The following RALA variants were observed in gnomAD, a reference collection of about 807,000 sequenced individuals.
The protein encoded by RALA is ras-related protein Ral-A.
RALA carries 5 observed loss-of-function variants against 24.0 expected under a neutral mutation model. The observed-to-expected ratio is 0.21, with a 90% CI of 0.11 to 0.44. RALA has a LOEUF of 0.44. Among genes scored for constraint, RALA ranks in the 20% least tolerant of loss-of-function variants. RALA has a pLI of 0.99. For synonymous variants in RALA, 77 were observed against 83.8 expected (o/e 0.92, Z 0.44); for missense variants, 95 against 241.2 (o/e 0.39, Z 4.01).
chr7:39,677,206 C>G (rs1477928700), intron 1 of RALA, among the ~76,000 whole-genome samples: 1 of 152,212 alleles, frequency 6.6e-6, no homozygotes, highest in East Asian at 1.9e-4. Context: ...CCTGAAGCCC[C>G]CTCAAGGAAC....
At chr7:39,670,908 C>T (rs765337364) in intron 1 of RALA, among the ~76,000 whole-genome samples, 2 of 152,086 alleles carry the variant, frequency 1.3e-5, no homozygotes, top group African/African-American at 4.8e-5. Context: ...CATTTCCTTA[C>T]AGTAACTCTT....
Position 39,666,281 on chromosome 7 carries a change from A to G in RALA, c.-37-20350A>G, listed in dbSNP as rs181454677. On this transcript the variant is annotated intron_variant, in intron 1 of 4. Transcript: ENST00000005257. Reference sequence around the variant, plus strand: ...TCTGACTTTACTCTCTAAGTTATATATAATGAATATATGTTACTTTTATAG... The same window carrying G: ...TCTGACTTTACTCTCTAAGTTATATGTAATGAATATATGTTACTTTTATAG... Among the ~76,000 whole-genome samples, 83 of 152,320 alleles carry G rather than the reference A, an allele frequency of 5.4e-4. No individual in the cohort carries two copies. In the South Asian group the frequency reaches 0.016, roughly 29 times the overall value.
In RALA at chr7:39,657,026, G is replaced by A. The variant is rs147965818; in HGVS notation, c.-37-29605G>A. 6.2e-4 allele frequency among the ~76,000 whole-genome samples: 95 copies of A among 152,248 alleles called. 1 individual carries two copies. Among genetic ancestry groups the A allele is most frequent in the African/African-American group, 2.2e-3 (90 of 41,548 alleles). ...TCGGTCACCCAGGCTGGAGTGCAGT[G>A]GTGTGATCTCGGCTCACTACAACCT... On this transcript the variant is annotated intron_variant, in intron 1 of 4. Transcript: ENST00000005257.
Position 39,635,268 on chromosome 7 carries a change from G to A in RALA, c.-38+11443G>A, listed in dbSNP as rs373399645. On this transcript the variant is annotated intron_variant, in intron 1 of 4. Transcript: ENST00000005257. ...TGCCTGTCTGTAGTCCTAGCTACTC[G>A]GGATGCTGAGGTGGGAGGATCGCTT... 7.9e-5 allele frequency among the ~76,000 whole-genome samples: 12 copies of A among 152,244 alleles called. No individual in the cohort carries two copies. In the East Asian group the frequency reaches 1.4e-3, roughly 17 times the overall value.
rs960411951 is a variant in RALA, at chr7:39,623,744, C to T, written c.-119C>T. On this transcript the variant is annotated 5_prime_UTR_variant, in exon 1 of 5. Coordinates refer to ENST00000005257, the MANE Select transcript of RALA (RefSeq NM_005402.4). The surrounding 1 kb of genome is among the most constrained non-coding windows in gnomAD (Gnocchi z 4.9). Reference sequence around the variant, plus strand: ...TCCCGGCGCGGGGCCTTCCAGGCGACAAGGACCGAGTACCCTCCGGCCGGA... The same window carrying T: ...TCCCGGCGCGGGGCCTTCCAGGCGATAAGGACCGAGTACCCTCCGGCCGGA... 2.6e-5 allele frequency: 4 copies of T among 152,906 alleles called. No individual in the cohort carries two copies. Among genetic ancestry groups the T allele is most frequent in the Non-Finnish European group, 5.8e-5 (4 of 68,414 alleles). The allele number at this position is 152,906 out of a possible 1,614,324, so 9.5% of individuals were successfully genotyped here. A position where few individuals can be genotyped will look rare whatever the true frequency, so the allele number is the denominator to read the frequency against.
chr7:39,684,712 T>C (rs865969094), intron 1 of RALA, among the ~76,000 whole-genome samples: 11 of 110,412 alleles, frequency 1.0e-4, no homozygotes, highest in African/African-American at 3.6e-4. Context: ...GCTGATGAGC[T>C]AAAAAAAAAA....
At chr7:39,641,373 A>G (rs1303741090) in intron 1 of RALA, among the ~76,000 whole-genome samples, 2 of 152,208 alleles carry the variant, frequency 1.3e-5, no homozygotes, top group Non-Finnish European at 2.9e-5. Context: ...GGTTTATGCT[A>G]AAACATTCCA....
chr7:39,628,822 T>C (rs1440176765), intron 1 of RALA, among the ~76,000 whole-genome samples: 1 of 152,220 alleles, frequency 6.6e-6, no homozygotes, highest in Admixed American at 6.5e-5. Context: ...CCCAAAGTGC[T>C]GGGATTACAG....
chr7:39,626,454 C>T (rs1408648016), intron 1 of RALA, among the ~76,000 whole-genome samples: 2 of 152,226 alleles, frequency 1.3e-5, no homozygotes, highest in Non-Finnish European at 2.9e-5. Flanking sequence ...GCAGTTCTGA[C>T]TGAGCTGGAA....
At chr7:39,672,353 C>A (rs574864650) in intron 1 of RALA, among the ~76,000 whole-genome samples, 1 of 152,170 alleles carries the variant, frequency 6.6e-6, no homozygotes, top group South Asian at 2.1e-4. Context: ...AAGGAAATAC[C>A]ACTACACATT....
intron 1 of RALA, among the ~76,000 whole-genome samples, chr7:39,659,020 C>T (rs1434495271): frequency 6.6e-6 from 1 of 152,090 alleles, no homozygotes; most frequent in Non-Finnish European, 1.5e-5. Flanking sequence ...TGTCTCATAC[C>T]TGTAATTCCT....
At chr7:39,628,070 T>C (rs890687977) in intron 1 of RALA, among the ~76,000 whole-genome samples, 2 of 151,968 alleles carry the variant, frequency 1.3e-5, no homozygotes, top group Non-Finnish European at 2.9e-5. Context: ...TGCTAGTGTT[T>C]GTTTACTCAG....
chr7:39,698,100 G>A (rs1792955031), intron 4 of RALA, among the ~76,000 whole-genome samples: 1 of 152,036 alleles, frequency 6.6e-6, no homozygotes, highest in African/African-American at 2.4e-5. Context: ...TGATTTGCTG[G>A]ATTTCCTTAT....
intron 1 of RALA, among the ~76,000 whole-genome samples, chr7:39,633,900 A>G (rs1343904547): frequency 6.6e-6 from 1 of 152,142 alleles, no homozygotes; most frequent in African/African-American, 2.4e-5. Flanking sequence ...AGTTCTGGAG[A>G]GTGTTTTTAT....
At chr7:39,690,854 A>G (rs1413941912) in intron 3 of RALA, among the ~76,000 whole-genome samples, 2 of 152,206 alleles carry the variant, frequency 1.3e-5, no homozygotes, top group South Asian at 2.1e-4. Flanking sequence ...CAGAGTCTCT[A>G]TGAGTTACTG....
At chr7:39,652,770 TTTA>T (rs1006675959) in intron 1 of RALA, among the ~76,000 whole-genome samples, 1 of 151,754 alleles carries the variant, frequency 6.6e-6, no homozygotes, top group Non-Finnish European at 1.5e-5. Context: ...ATTAATTAAT[TTTA>T]TTATTATTAT....
intron 1 of RALA, among the ~76,000 whole-genome samples, chr7:39,672,079 C>T (rs887500172): frequency 6.6e-6 from 1 of 151,618 alleles, no homozygotes; most frequent in Non-Finnish European, 1.5e-5. Flanking sequence ...ATTTTTGAGA[C>T]ACCAAAAGCA....
At chr7:39,651,116 C>T (rs541962854) in intron 1 of RALA, among the ~76,000 whole-genome samples, 2 of 152,244 alleles carry the variant, frequency 1.3e-5, no homozygotes, top group East Asian at 3.9e-4. Flanking sequence ...CACTTTCAAC[C>T]CAGTATTCAA....
intron 1 of RALA, among the ~76,000 whole-genome samples, chr7:39,681,358 C>T (rs151188391): frequency 1.1e-3 from 135 of 119,188 alleles, no homozygotes; most frequent in African/African-American, 3.9e-3. Context: ...TACTCTCTAG[C>T]CCAGGCTGGA....
Sources: gnomAD v4.1 joint callset for allele counts (sites outside exome capture counted in the v4.1 genomes callset) on GRCh38, gnomAD v4.1.1 for gene constraint, Gnocchi (gnomAD v3.1) non-coding constraint, MANE v1.5 for transcripts, NCBI Gene and HGNC (gene_info 2026-07-23, HGNC 2026-07-21) for gene names.